DMGDH: variants seen among roughly 807,000 people sequenced by gnomAD.
DMGDH encodes the protein dimethylglycine dehydrogenase, mitochondrial.
Under a neutral mutation model 95.2 loss-of-function variants are expected in DMGDH, and 76 were observed. That is an observed-to-expected ratio of 0.80 (90% CI 0.66 to 0.97). DMGDH has a LOEUF of 0.97. Ranked by LOEUF, DMGDH falls within the 50% of genes least tolerant of loss-of-function variation. The probability of loss-of-function intolerance (pLI) is 0.00; values close to 1 mark genes in which losing one functional copy is unlikely to be tolerated. For missense variants in DMGDH, 987 were observed against 1,055.0 expected (o/e 0.94, Z 0.89); for synonymous variants, 345 against 377.6 (o/e 0.91, Z 1.00).
chr5:79,063,539 T>C (rs1755272230), intron 2 of DMGDH, 74 bp downstream of exon 2: 44 of 1,575,736 alleles, frequency 2.8e-5, no homozygotes, highest in Middle Eastern at 1.9e-4. Flanking sequence ...CAGTTGGGAG[T>C]TGTGAACGGG....
In DMGDH at chr5:79,030,021, T is replaced by C. The variant is rs779394442; in HGVS notation, c.1697A>G (p.Asn566Ser). 2 of 1,613,010 alleles carry C rather than the reference T, an allele frequency of 1.2e-6. No individual in the cohort carries two copies. Among genetic ancestry groups the C allele is most frequent in the Non-Finnish European group, 1.7e-6 (2 of 1,179,708 alleles). ...ANVIPKVGFT[N>S]ISHMLTPKGR... ...CTTGGGTGTTAACATGTGACTTATA[T>C]TTGTAAAACCCACCTACATAAAAAA... The change falls in exon 11 of 16, where the codon AAT becomes AGT. Residue 566 changes from asparagine (N) to serine (S), a missense_variant. By Grantham distance (46) the Asn-to-Ser change is conservative. Coordinates refer to ENST00000255189, the MANE Select transcript of DMGDH (RefSeq NM_013391.3).
chr5:79,015,225 C>G (rs914886708), intron 14 of DMGDH, among the ~76,000 whole-genome samples: 1 of 152,182 alleles, frequency 6.6e-6, no homozygotes, highest in Non-Finnish European at 1.5e-5. Context: ...CCTTCACATG[C>G]AGTCCCTCAT....
chr5:79,047,733 C>T (rs1754723488), intron 5 of DMGDH, among the ~76,000 whole-genome samples: 1 of 152,148 alleles, frequency 6.6e-6, no homozygotes, highest in Non-Finnish European at 1.5e-5. Context: ...TCTGCTAGCT[C>T]CGAATACAGT....
intron 14 of DMGDH, among the ~76,000 whole-genome samples, chr5:79,018,759 C>A (rs955532085): frequency 9.9e-5 from 15 of 152,164 alleles, no homozygotes; most frequent in African/African-American, 3.4e-4. Flanking sequence ...CCATGGATAT[C>A]CAAATTTGAA....
intron 11 of DMGDH, among the ~76,000 whole-genome samples, chr5:79,029,032 TGTTGC>T (rs1754079403): frequency 6.6e-6 from 1 of 152,212 alleles, no homozygotes; most frequent in Non-Finnish European, 1.5e-5. Flanking sequence ...GGCACACTTA[TGTTGC>T]TAAAGGTTAA....
chr5:79,054,412 T>G, intron 3 of DMGDH, 64 bp from the exon 4 acceptor site: 5 of 1,500,400 alleles, frequency 3.3e-6, no homozygotes, highest in Non-Finnish European at 4.6e-6. Flanking sequence ...AACATGGTTC[T>G]GCTCCAGTAT....
At chr5:79,051,251 T>C (rs763306949) in intron 5 of DMGDH, 36 bp downstream of exon 5, 9 of 1,603,660 alleles carry the variant, frequency 5.6e-6, no homozygotes, top group Non-Finnish European at 6.0e-6. Flanking sequence ...CTTTGGCACT[T>C]AAAAAACACT....
intron 8 of DMGDH, 76 bp from the exon 9 acceptor site, chr5:79,032,916 G>C: frequency 6.4e-7 from 1 of 1,553,902 alleles, no homozygotes; most frequent in Non-Finnish European, 8.8e-7. Flanking sequence ...TCCAAATATG[G>C]AAATACAGTA....
chr5:79,055,949 A>G (rs369686902), intron 2 of DMGDH, 41 bp from the exon 3 acceptor site: 3 of 1,312,578 alleles, frequency 2.3e-6, no homozygotes, highest in Non-Finnish European at 3.3e-6. Context: ...AAAAAAATTA[A>G]CATTCTCAAA....
chr5:79,052,863 C>T (rs140752584), intron 4 of DMGDH, among the ~76,000 whole-genome samples: 7 of 152,136 alleles, frequency 4.6e-5, no homozygotes, highest in Non-Finnish European at 7.3e-5. Flanking sequence ...TGTGAAGACT[C>T]GCAAAGGCAA....
chr5:79,035,185 A>G (rs1279481971), intron 7 of DMGDH, among the ~76,000 whole-genome samples: 4 of 152,212 alleles, frequency 2.6e-5, no homozygotes, highest in Non-Finnish European at 4.4e-5. Flanking sequence ...AATTTTAAGA[A>G]AGCAAGAAAA....
intron 5 of DMGDH, 81 bp from the exon 6 acceptor site, chr5:79,044,633 T>C (rs1561223331): frequency 6.6e-7 from 1 of 1,514,832 alleles, no homozygotes. Context: ...TATATTAGAA[T>C]AAAATGTTTA....
At chr5:79,005,600 AAT>A (rs1463109414) in intron 14 of DMGDH, among the ~76,000 whole-genome samples, 193 bp from the exon 15 acceptor site, 2 of 152,218 alleles carry the variant, frequency 1.3e-5, no homozygotes, top group African/African-American at 2.4e-5. Context: ...ATTCCTTCAG[AAT>A]ATGTTAGACT....
Position 79,026,532 on chromosome 5 carries a change from C to G in DMGDH, c.2082G>C (p.Leu694=). The change falls in exon 13 of 16, where the codon CTG becomes CTC. Residue 694 remains leucine (L), a synonymous_variant. Transcript: ENST00000255189. Reference sequence around the variant, plus strand: ...GGCCTGCATTCATGATAGCGTCATACAGCGCCACAGAATCTTCTCTTCTGT... The same window carrying G: ...GGCCTGCATTCATGATAGCGTCATAGAGCGCCACAGAATCTTCTCTTCTGT... The part of the protein sequence containing the change: ...LYHRREDSVA[L]YDAIMNAGQE... 6.2e-7 allele frequency: 1 copy of G among 1,614,176 alleles called. No individual in the cohort carries two copies. The highest frequency in any genetic ancestry group is 1.1e-5 in the South Asian group (1 of 91,082).
chr5:79,069,565 A>C lies in DMGDH; in HGVS notation c.56T>G (p.Leu19Arg), dbSNP rs1237022940. 3.0e-6 allele frequency: 4 copies of C among 1,343,008 alleles called. No individual in the cohort carries two copies. The Admixed American group carries it at 1.3e-4, about 44-fold the overall frequency. The allele number at this position is 1,343,008 out of a possible 1,614,324, so 83.2% of individuals were successfully genotyped here. A position where few individuals can be genotyped will look rare whatever the true frequency, so the allele number is the denominator to read the frequency against. Reference sequence around the variant, plus strand: ...GCGCGGGCGCCCGGGGGAGCCCTGCAGCGGGCAGCTCCGCAGCAGGAGGCC... The same window carrying C: ...GCGCGGGCGCCCGGGGGAGCCCTGCCGCGGGCAGCTCCGCAGCAGGAGGCC... Reference protein sequence around the residue: ...LRGLLLRSCPLQGSPGRPRSV... With the variant: ...LRGLLLRSCPRQGSPGRPRSV... The change falls in exon 1 of 16, where the codon CTG (leucine) becomes CGG (arginine). Residue 19 changes from leucine to arginine, a missense_variant. By Grantham distance (102) the Leu-to-Arg change is moderately radical. Transcript: ENST00000255189.
At chr5:79,050,893 A>T (rs1340608778) in intron 5 of DMGDH, among the ~76,000 whole-genome samples, 1 of 152,232 alleles carries the variant, frequency 6.6e-6, no homozygotes, top group East Asian at 1.9e-4. Flanking sequence ...GATGAGAGAG[A>T]ACCCAAATGA....
intron 14 of DMGDH, among the ~76,000 whole-genome samples, chr5:79,006,561 T>C (rs1453844803): frequency 4.6e-5 from 7 of 152,234 alleles, no homozygotes; most frequent in African/African-American, 1.4e-4. Flanking sequence ...ATCGTATCTA[T>C]GGTGAATAAG....
rs570321081 is a variant in DMGDH at position 79,020,687 on chromosome 5, A to G, written c.2250+3584T>C. The G allele has an allele frequency of 5.7e-5, 56 of 981,560 alleles. No homozygotes were observed. The African/African-American group carries it at 8.9e-4, about 16-fold the overall frequency. The allele number at this position is 981,560 out of a possible 1,614,324, so 60.8% of individuals were successfully genotyped here. A position where few individuals can be genotyped will look rare whatever the true frequency, so the allele number is the denominator to read the frequency against. On this transcript the variant is annotated intron_variant, in intron 14 of 15. Coordinates refer to ENST00000255189, the MANE Select transcript of DMGDH (RefSeq NM_013391.3). ...ATAACTTATGTTTAATAGAGATTAC[A>G]TTTTATTCTGTTTCTACTAGTTAGA... is the stretch of plus-strand genomic sequence containing the variant.
rs1754054845 is a variant in DMGDH at position 79,028,292 on chromosome 5, A to G, written c.2032+141T>C. 1.5e-5 allele frequency: 11 copies of G among 721,270 alleles called. No homozygotes were observed. In the South Asian group the frequency reaches 2.0e-4, roughly 13 times the overall value. 44.7% of individuals were successfully genotyped at this position (721,270 alleles called of 1,614,324 possible). A position where few individuals can be genotyped will look rare whatever the true frequency, so the allele number is the denominator to read the frequency against. ...AACAAAAATCTTCCTCCAAAGTCGC[A>G]TGGACAAAAGTGAGTGTGAGTGTGC... On this transcript the variant is annotated intron_variant, in intron 12 of 15. Coordinates refer to ENST00000255189, the MANE Select transcript of DMGDH (RefSeq NM_013391.3).
Sources: gnomAD v4.1 joint callset for allele counts (sites outside exome capture counted in the v4.1 genomes callset) on GRCh38, gnomAD v4.1.1 for gene constraint, MANE v1.5 for transcripts, NCBI Gene and HGNC (gene_info 2026-07-23, HGNC 2026-07-21) for gene names.